The following CHST11 variants were observed in gnomAD, a reference collection of about 807,000 sequenced individuals.
The protein encoded by CHST11 is carbohydrate sulfotransferase 11, also known as C4S-1.
CHST11 carries 9 observed loss-of-function variants against 30.4 expected under a neutral mutation model. That is an observed-to-expected ratio of 0.30 (90% CI 0.18 to 0.52). The LOEUF (loss-of-function observed/expected upper bound fraction) is 0.52, where lower values mean the gene tolerates loss of function less well. CHST11 is among the 20% of genes least tolerant of loss of function. The probability of loss-of-function intolerance (pLI) is 0.97; values close to 1 mark genes in which losing one functional copy is unlikely to be tolerated. For synonymous variants in CHST11, 152 were observed against 187.8 expected (o/e 0.81, Z 1.56); for missense variants, 348 against 460.6 (o/e 0.76, Z 2.24).
At chr12:104,489,463 T>C (rs1290747444) in intron 1 of CHST11, among the ~76,000 whole-genome samples, 1 of 152,090 alleles carries the variant, frequency 6.6e-6, no homozygotes, top group Non-Finnish European at 1.5e-5. Context: ...GGGGTAGGAA[T>C]ACCCTATCTT....
intron 2 of CHST11, among the ~76,000 whole-genome samples, chr12:104,702,240 A>AAAT (rs979029725): frequency 2.3e-4 from 35 of 152,200 alleles, no homozygotes; most frequent in African/African-American, 6.5e-4. Flanking sequence ...GGTGCTTGAT[A>AAAT]AATAATAATA....
chr12:104,506,095 A>C (rs1426973011), intron 1 of CHST11, among the ~76,000 whole-genome samples: 2 of 152,348 alleles, frequency 1.3e-5, no homozygotes, highest in East Asian at 1.9e-4. Context: ...CTCACTCAAC[A>C]AAAGTGACTG....
intron 1 of CHST11, among the ~76,000 whole-genome samples, chr12:104,526,300 C>T (rs1423205031): frequency 2.0e-5 from 3 of 151,944 alleles, no homozygotes; most frequent in Non-Finnish European, 4.4e-5. Context: ...GTTCTACATA[C>T]TGTTTATAGA....
intron 2 of CHST11, among the ~76,000 whole-genome samples, chr12:104,707,417 G>A (rs1259303507): frequency 6.6e-6 from 1 of 152,096 alleles, no homozygotes; most frequent in Non-Finnish European, 1.5e-5. Flanking sequence ...ATAAAAAATA[G>A]CGCACACTAC....
Position 104,584,617 on chromosome 12 carries a change from C to T in CHST11, c.119-17289C>T, listed in dbSNP as rs191440152. 2.2e-3 allele frequency among the ~76,000 whole-genome samples: 340 copies of T among 152,198 alleles called. 1 individual carries two copies. The highest frequency in any genetic ancestry group is 2.0e-3 in the Non-Finnish European group (136 of 67,994). Reference sequence around the variant, plus strand: ...ATGTGTGTTTACACAACCAAGGTCCCGACCCACATAATATTTTGAATTCTG... The same window carrying T: ...ATGTGTGTTTACACAACCAAGGTCCTGACCCACATAATATTTTGAATTCTG... On this transcript the variant is annotated intron_variant, in intron 1 of 2. Coordinates refer to ENST00000303694, the MANE Select transcript of CHST11 (RefSeq NM_018413.6).
chr12:104,660,737 G>A (rs774496816), intron 2 of CHST11, among the ~76,000 whole-genome samples: 1 of 152,148 alleles, frequency 6.6e-6, no homozygotes. Context: ...GTAAAGGGGT[G>A]CGTATCTGCC....
rs1049941108 is a variant in CHST11, at chr12:104,458,077, G to T, written c.118+548G>T. On this transcript the variant is annotated intron_variant, in intron 1 of 2. Transcript: ENST00000303694. This position sits in a 1 kb window ranked among gnomAD's most constrained non-coding sequence, Gnocchi z 5.7. ...TGCAGCAGGCTGGGAGCCCGGGACTGGGCTCCCACGTGTCCCGGGCTCCGC... is the reference window on the plus strand; with the variant it reads ...TGCAGCAGGCTGGGAGCCCGGGACTTGGCTCCCACGTGTCCCGGGCTCCGC... Among the ~76,000 whole-genome samples, 18 of 151,872 alleles carry T rather than the reference G, an allele frequency of 1.2e-4. No homozygotes were observed. Among genetic ancestry groups the T allele is most frequent in the African/African-American group, 4.1e-4 (17 of 41,388 alleles).
At chr12:104,657,009 CT>C (rs11431861) in intron 2 of CHST11, among the ~76,000 whole-genome samples, 43 of 148,640 alleles carry the variant, frequency 2.9e-4, no homozygotes, top group Admixed American at 2.7e-4. Context: ...AAACTTCATC[CT>C]TTTTTTTTTT....
intron 2 of CHST11, among the ~76,000 whole-genome samples, chr12:104,617,011 A>G (rs914575309): frequency 6.6e-6 from 1 of 152,182 alleles, no homozygotes; most frequent in Non-Finnish European, 1.5e-5. Context: ...GCAGCTGTGG[A>G]GTACTAGTCC....
At chr12:104,667,189 G>C (rs982051967) in intron 2 of CHST11, among the ~76,000 whole-genome samples, 1 of 152,110 alleles carries the variant, frequency 6.6e-6, no homozygotes, top group African/African-American at 2.4e-5. Context: ...CAGTCATTTG[G>C]CCTGAGCTAT....
intron 2 of CHST11, among the ~76,000 whole-genome samples, chr12:104,686,306 C>T (rs2039845891): frequency 1.3e-5 from 2 of 150,728 alleles, no homozygotes; most frequent in Admixed American, 1.3e-4. Flanking sequence ...TAATGGACAG[C>T]TGCTTAGCCG....
At chr12:104,588,893 G>C (rs896119320) in intron 1 of CHST11, 1 of 152,188 alleles carries the variant, frequency 6.6e-6, no homozygotes, top group Non-Finnish European at 1.5e-5. Context: ...AGTCACGGTG[G>C]CCAGAAGGTG....
intron 2 of CHST11, among the ~76,000 whole-genome samples, chr12:104,715,801 G>T (rs546691361): frequency 4.6e-5 from 7 of 152,328 alleles, no homozygotes; most frequent in Admixed American, 1.3e-4. Context: ...ATATCGCTCA[G>T]GGATGAAAGG....
rs181553506 is a variant in CHST11, at chr12:104,729,233, C to T, written c.205-27716C>T. Among the ~76,000 whole-genome samples, 1 of 152,100 alleles carries T rather than the reference C, an allele frequency of 6.6e-6. No homozygotes were observed. Among genetic ancestry groups the T allele is most frequent in the Non-Finnish European group, 1.5e-5 (1 of 68,002 alleles). Reference sequence around the variant, plus strand: ...CAGACTAGGGGAGACTGACCTCCTGCCCCACATACTCTGTCCCCTTGAGCA... The same window carrying T: ...CAGACTAGGGGAGACTGACCTCCTGTCCCACATACTCTGTCCCCTTGAGCA... On this transcript the variant is annotated intron_variant, in intron 2 of 2. Transcript: ENST00000303694. The surrounding 1 kb of genome is among the most constrained non-coding windows in gnomAD (Gnocchi z 4.0).
chr12:104,725,825 T>G (rs1209064983), intron 2 of CHST11, among the ~76,000 whole-genome samples: 2 of 152,040 alleles, frequency 1.3e-5, no homozygotes, highest in Admixed American at 1.3e-4. Context: ...GGACGGATGG[T>G]CCGTGGGCAG....
chr12:104,545,275 C>T (rs909708585), intron 1 of CHST11, among the ~76,000 whole-genome samples: 2 of 152,240 alleles, frequency 1.3e-5, no homozygotes, highest in African/African-American at 2.4e-5. Context: ...GAGGGCAGGG[C>T]CCAGCCCCAT....
chr12:104,757,527 C>A lies in CHST11; in HGVS notation c.783C>A (p.Thr261=). Residue 261 remains threonine, a synonymous_variant, in exon 3 of 3, where the codon ACC becomes ACA. Transcript: ENST00000303694. This position sits in a 1 kb window ranked among gnomAD's most constrained non-coding sequence, Gnocchi z 6.5. The stretch of plus-strand genomic sequence containing the variant: ...AGCCTTTCAACGAACACTGGCAAAC[C>A]GTCTACTCACTCTGCCATCCCTGCC... ...REEPFNEHWQ[T]VYSLCHPCHI... 6.2e-7 allele frequency: 1 copy of A among 1,614,092 alleles called. No individual in the cohort carries two copies. The highest frequency in any genetic ancestry group is 8.5e-7 in the Non-Finnish European group (1 of 1,180,022).
rs116204434 is a variant in CHST11 at position 104,466,464 on chromosome 12, G to A, written c.118+8935G>A. Among the ~76,000 whole-genome samples the A allele has an allele frequency of 3.4e-3, 518 of 152,272 alleles. 1 individual carries two copies. Among genetic ancestry groups the A allele is most frequent in the African/African-American group, 0.012 (485 of 41,550 alleles). ...TATAATGCTGTTGCAAAAAACCCTC[G>A]TGACCCCATCTCCATGCTTGCCAGC... On this transcript the variant is annotated intron_variant, in intron 1 of 2. Transcript: ENST00000303694.
chr12:104,708,444 C>T (rs183920039), intron 2 of CHST11, among the ~76,000 whole-genome samples: 5 of 152,320 alleles, frequency 3.3e-5, no homozygotes, highest in African/African-American at 1.2e-4. Context: ...GACCAGCTCC[C>T]TGGGCCCAGA....
Sources: allele counts gnomAD v4.1 joint callset (sites outside exome capture counted in the v4.1 genomes callset), GRCh38; gene constraint gnomAD v4.1.1; non-coding constraint Gnocchi (gnomAD v3.1); transcripts MANE v1.5; gene names NCBI Gene and HGNC (gene_info 2026-07-23, HGNC 2026-07-21).